Variants in GALNT10 observed in about 807,000 individuals in gnomAD.
The protein encoded by GALNT10 is GalNAc transferase 10.
Under a neutral mutation model 75.0 loss-of-function variants are expected in GALNT10, and 41 were observed. That is an observed-to-expected ratio of 0.55 (90% CI 0.43 to 0.71). The LOEUF (loss-of-function observed/expected upper bound fraction) is 0.71. Among genes scored for constraint, GALNT10 ranks in the 30% least tolerant of loss-of-function variants. The probability of loss-of-function intolerance (pLI) is 0.00; values close to 1 mark genes in which losing one functional copy is unlikely to be tolerated. For synonymous variants in GALNT10, 302 were observed against 313.0 expected, an observed-to-expected ratio of 0.96 and a Z score of 0.37; for missense variants, 727 against 818.5, an observed-to-expected ratio of 0.89 and a Z score of 1.36.
At chr5:154,228,234 T>C (rs1204277786) in intron 1 of GALNT10, among the ~76,000 whole-genome samples, 1 of 152,218 alleles carries the variant, frequency 6.6e-6, no homozygotes, top group Non-Finnish European at 1.5e-5. Context: ...TTTATAGCAA[T>C]GCAAGAATGG....
intron 3 of GALNT10, among the ~76,000 whole-genome samples, chr5:154,327,772 T>C (rs1754778337): frequency 1.3e-5 from 2 of 152,136 alleles, no homozygotes; most frequent in South Asian, 4.1e-4. Flanking sequence ...AGTAATAGAA[T>C]TAGAATGTAA....
intron 4 of GALNT10, among the ~76,000 whole-genome samples, chr5:154,366,896 GTAC>G (rs35550099): frequency 0.033 from 5,000 of 152,264 alleles, 115 homozygotes; most frequent in Middle Eastern, 0.068. Context: ...GTCATGCAGA[GTAC>G]TAGCCTTGGG....
chr5:154,355,196 G>T (rs574431416), intron 4 of GALNT10, among the ~76,000 whole-genome samples: 1 of 152,266 alleles, frequency 6.6e-6, no homozygotes, highest in African/African-American at 2.4e-5. Context: ...ACATTGCTAG[G>T]AGACAGAGGC....
intron 1 of GALNT10, among the ~76,000 whole-genome samples, chr5:154,193,386 T>C (rs1184234264): frequency 2.6e-5 from 4 of 152,226 alleles, no homozygotes; most frequent in East Asian, 1.9e-4. Context: ...AGTCCGTTGT[T>C]TGAATGTCAG....
At position 154,376,449 on chromosome 5, in the gene GALNT10, TC is replaced by T. The variant is rs540440277; in HGVS notation, c.747del (p.Leu250CysfsTer16). On this transcript the variant is annotated frameshift_variant, in exon 5 of 12. Coordinates refer to ENST00000297107, the MANE Select transcript of GALNT10 (RefSeq NM_198321.4). LOFTEE classifies it high-confidence loss of function. The surrounding 1 kb of genome is among the most constrained non-coding windows in gnomAD (Gnocchi z 4.1). ...SHCEANVNWL[P>X]PLLDRIARNR... is the part of the protein sequence containing the mutation. ...ACTGTGAAGCCAATGTCAACTGGCTTCCCCCCTTGCTTGGTAAGGGAGCCCC... is the reference window on the plus strand; with the variant it reads ...ACTGTGAAGCCAATGTCAACTGGCTTCCCCCTTGCTTGGTAAGGGAGCCCC... The T allele has an allele frequency of 5.1e-6, 8 of 1,576,228 alleles. No individual in the cohort carries two copies. The highest frequency in any genetic ancestry group is 1.4e-5 in the African/African-American group (1 of 72,324).
intron 1 of GALNT10, among the ~76,000 whole-genome samples, chr5:154,250,929 T>C (rs916311487): frequency 3.3e-5 from 5 of 152,206 alleles, no homozygotes; most frequent in African/African-American, 1.2e-4. Flanking sequence ...GGCTGTGCCC[T>C]GTATCTGGAA....
intron 4 of GALNT10, among the ~76,000 whole-genome samples, chr5:154,360,810 A>G (rs953012894): frequency 6.6e-6 from 1 of 152,212 alleles, no homozygotes; most frequent in Admixed American, 6.5e-5. Flanking sequence ...AAACAATACT[A>G]TCTTGGAGAA....
chr5:154,380,946 C>A (rs1434163842), intron 6 of GALNT10, among the ~76,000 whole-genome samples: 2 of 152,182 alleles, frequency 1.3e-5, no homozygotes, highest in Non-Finnish European at 2.9e-5. Context: ...TAACCATCAT[C>A]GTCACCAAGT....
At position 154,409,824 on chromosome 5, in the gene GALNT10, TC is replaced by T; in HGVS notation, c.1386+65del. 1 of 1,096,840 alleles carries T rather than the reference TC, an allele frequency of 9.1e-7. No homozygotes were observed. Among genetic ancestry groups the T allele is most frequent in the Non-Finnish European group, 1.4e-6 (1 of 712,442 alleles). 67.9% of individuals were successfully genotyped at this position (1,096,840 alleles called of 1,614,324 possible). On this transcript the variant is annotated intron_variant, in intron 9 of 11. Transcript: ENST00000297107. This position sits in a 1 kb window ranked among gnomAD's most constrained non-coding sequence, Gnocchi z 4.5. The stretch of plus-strand genomic sequence containing the variant: ...TGGGTGTGCAAAATGCAAATGCAGA[TC>T]CCATGTTCAAAAGGTAGAAAGTCAG...
chr5:154,311,951 G>C (rs1356649334), intron 3 of GALNT10, among the ~76,000 whole-genome samples: 1 of 152,064 alleles, frequency 6.6e-6, no homozygotes, highest in Non-Finnish European at 1.5e-5. Flanking sequence ...TGTCCATGAA[G>C]GTACTTGGAC....
At chr5:154,322,807 A>G (rs1754695358) in intron 3 of GALNT10, among the ~76,000 whole-genome samples, 2 of 152,210 alleles carry the variant, frequency 1.3e-5, no homozygotes, top group African/African-American at 4.8e-5. Flanking sequence ...CAAGGGCAAG[A>G]GCATTTCCTG....
In GALNT10 at chr5:154,368,481, A is replaced by G. The variant is rs552386609; in HGVS notation, c.569-7796A>G. On this transcript the variant is annotated intron_variant, in intron 4 of 11. Transcript: ENST00000297107. The stretch of plus-strand genomic sequence containing the variant: ...AAGAAGAGGAGGAGGAAAGGAAGGG[A>G]AAAAAAAGAAATGGCCGGCTTTCCA... Among the ~76,000 whole-genome samples the G allele has an allele frequency of 3.3e-5, 5 of 152,204 alleles. No individual in the cohort carries two copies. In the East Asian group the frequency reaches 9.6e-4, roughly 29 times the overall value.
At chr5:154,375,374 A>G (rs1438530118) in intron 4 of GALNT10, among the ~76,000 whole-genome samples, 1 of 152,230 alleles carries the variant, frequency 6.6e-6, no homozygotes, top group Non-Finnish European at 1.5e-5. Flanking sequence ...CCCAAGCCTG[A>G]TTAAAATCAA....
intron 4 of GALNT10, chr5:154,347,026 G>T: frequency 5.6e-6 from 2 of 360,250 alleles, no homozygotes; most frequent in Non-Finnish European, 1.1e-5. Context: ...CTCCTTTCTA[G>T]TTCCACATTG....
chr5:154,355,408 C>T (rs866162637), intron 4 of GALNT10, among the ~76,000 whole-genome samples: 100 of 152,230 alleles, frequency 6.6e-4, no homozygotes, highest in African/African-American at 2.3e-3. Flanking sequence ...CCTCTCTTCC[C>T]TGGAGGTCCT....
At chr5:154,360,213 G>A (rs1755362373) in intron 4 of GALNT10, among the ~76,000 whole-genome samples, 2 of 152,156 alleles carry the variant, frequency 1.3e-5, no homozygotes, top group South Asian at 4.1e-4. Flanking sequence ...ACTTTGGGAG[G>A]CTGAGGCAGG....
At chr5:154,272,043 G>T (rs6882166) in intron 1 of GALNT10, among the ~76,000 whole-genome samples, 27,397 of 152,136 alleles carry the variant, frequency 0.18, 2,650 homozygotes, top group African/African-American at 0.22. Context: ...CCTTCTGAGT[G>T]ATAGTTGATA....
At chr5:154,192,974 G>T (rs1384345996) in intron 1 of GALNT10, among the ~76,000 whole-genome samples, 2 of 152,190 alleles carry the variant, frequency 1.3e-5, no homozygotes. Context: ...GTGCAAGAGG[G>T]TATTGATAGA....
At position 154,276,529 on chromosome 5, in the gene GALNT10, T is replaced by G. The variant is rs185100902; in HGVS notation, c.160-18287T>G. Among the ~76,000 whole-genome samples the G allele has an allele frequency of 6.0e-4, 92 of 152,314 alleles. No homozygotes were observed. In the South Asian group the frequency reaches 6.2e-3, roughly 10 times the overall value. On this transcript the variant is annotated intron_variant, in intron 1 of 11. Transcript: ENST00000297107. ...ATCACAGGAGTGATATCTCATCATA[T>G]TCACAGGTTCCATCTCCACTCAAAG...
Sources: gnomAD v4.1 joint callset for allele counts (sites outside exome capture counted in the v4.1 genomes callset) on GRCh38, gnomAD v4.1.1 for gene constraint, Gnocchi (gnomAD v3.1) non-coding constraint, MANE v1.5 for transcripts, NCBI Gene and HGNC (gene_info 2026-07-23, HGNC 2026-07-21) for gene names.